FASN: variants seen among roughly 807,000 people sequenced by gnomAD.
FASN encodes fatty acid synthase.
FASN carries 50 observed loss-of-function variants against 250.0 expected under a neutral mutation model. That is an observed-to-expected ratio of 0.20 (90% CI 0.16 to 0.25). FASN has a LOEUF of 0.25. Ranked by LOEUF, FASN falls within the 10% of genes least tolerant of loss-of-function variation. FASN has a pLI of 1.00. For synonymous variants in FASN, 1,909 were observed against 1,584.0 expected (o/e 1.21, Z -4.87); for missense variants, 3,031 against 3,498.5 (o/e 0.87, Z 3.37).
At position 82,095,488 on chromosome 17, in the gene FASN, G is replaced by A. The variant is rs1170546495; in HGVS notation, c.128-16C>T. On this transcript the variant is annotated splice_polypyrimidine_tract_variant and intron_variant, in intron 2 of 42. Transcript: ENST00000306749. ...CCGTAGAGCCCTGTGGGACAGGCGG[G>A]TGTTTAAATCTCTGACGGAAGCTGC... 1 of 1,610,982 alleles carries A rather than the reference G, an allele frequency of 6.2e-7. No homozygotes were observed. Among genetic ancestry groups the A allele is most frequent in the Non-Finnish European group, 8.5e-7 (1 of 1,179,918 alleles).
chr17:82,080,166 G>C lies in FASN; in HGVS notation c.7120C>G (p.Gln2374Glu). The C allele has an allele frequency of 6.2e-7, 1 of 1,613,254 alleles. No homozygotes were observed. Residue 2374 changes from glutamine (Q) to glutamate (E), a missense_variant, in exon 41 of 43, where the codon CAG becomes GAG. Coordinates refer to ENST00000306749, the MANE Select transcript of FASN (RefSeq NM_004104.5). ...ETEAICFFVQ[Q>E]FTDMEHNRVL... ...CTGTTGTGCTCCATGTCCGTGAACT[G>C]CTGCACGAAGAAGCATATGGCCTCC...
intron 15 of FASN, 51 bp from the exon 16 acceptor site, chr17:82,088,613 C>T: frequency 1.9e-6 from 3 of 1,581,762 alleles, no homozygotes; most frequent in Non-Finnish European, 2.6e-6. Flanking sequence ...GGTCCAGGGG[C>T]TCTGGGTTCA....
rs2034230398 is a variant in FASN at position 82,092,602 on chromosome 17, T to C, written c.895-13A>G. ...GGGGGTCGCCCACCTGTGGGAAACA[T>C]GGGGGGTGAGGGGCTCTGGCCAGGT... On this transcript the variant is annotated splice_polypyrimidine_tract_variant and intron_variant, in intron 7 of 42. Coordinates refer to ENST00000306749, the MANE Select transcript of FASN (RefSeq NM_004104.5). 1 of 1,479,298 alleles carries C rather than the reference T, an allele frequency of 6.8e-7. No individual in the cohort carries two copies. Among genetic ancestry groups the C allele is most frequent in the Non-Finnish European group, 9.0e-7 (1 of 1,106,416 alleles). 91.6% of individuals were successfully genotyped at this position (1,479,298 alleles called of 1,614,324 possible).
At chr17:82,097,805 CGCGGGGAGGCCGAGCCGGGG>C (rs1318702497) in intron 1 of FASN, among the ~76,000 whole-genome samples, 1 of 152,066 alleles carries the variant, frequency 6.6e-6, no homozygotes, top group East Asian at 1.9e-4. Context: ...CCTTTGTGGG[CGCGGGGAGGCCGAGCCGGGG>C]GCTCCTCCAG....
intron 41 of FASN, 148 bp downstream of exon 41, chr17:82,079,992 G>A (rs1055648216): frequency 4.5e-6 from 4 of 897,716 alleles, no homozygotes; most frequent in Non-Finnish European, 7.0e-6. Flanking sequence ...ACAGGCATGA[G>A]CAACCGCATC....
chr17:82,079,759 C>T (rs1296371862), intron 41 of FASN, 151 bp from the exon 42 acceptor site: 1 of 1,086,132 alleles, frequency 9.2e-7, no homozygotes, highest in Non-Finnish European at 1.3e-6. Flanking sequence ...TCACCGCAAC[C>T]TCCACCTACC....
chr17:82,089,757 G>A (rs373897750), intron 11 of FASN, 31 bp from the exon 12 acceptor site: 172 of 1,550,746 alleles, frequency 1.1e-4, no homozygotes, highest in Non-Finnish European at 1.4e-4. Flanking sequence ...GAGGCTTAGC[G>A]TGGACACCGA....
At chr17:82,082,736 G>A (rs532166042) in intron 33 of FASN, 58 bp from the exon 34 acceptor site, 477 of 1,589,722 alleles carry the variant, frequency 3.0e-4, no homozygotes, top group Non-Finnish European at 3.6e-4. Context: ...TTCCCTACAC[G>A]CCGGGCTGGG....
chr17:82,095,378 CGT>C lies in FASN; in HGVS notation c.220_221del (p.Thr74AspfsTer14). On this transcript the variant is annotated frameshift_variant, in exon 3 of 43. Coordinates refer to ENST00000306749, the MANE Select transcript of FASN (RefSeq NM_004104.5). LOFTEE classifies it high-confidence loss of function. ...GCAGCAGCCGCAGCTGAGGGTCCAT[CGT>C]GTGTGCCTGCTTGGGGTGGACTCCG... ...FFGVHPKQAH[T>X]MDPQLRLLLE... 6.2e-7 allele frequency: 1 copy of C among 1,612,994 alleles called. No individual in the cohort carries two copies. Among genetic ancestry groups the C allele is most frequent in the Non-Finnish European group, 8.5e-7 (1 of 1,180,020 alleles).
chr17:82,089,836 T>A (rs2034172140), intron 11 of FASN, 110 bp from the exon 12 acceptor site: 1 of 951,886 alleles, frequency 1.1e-6, no homozygotes, highest in South Asian at 1.4e-5. Flanking sequence ...AGTGTGGTAA[T>A]GGCAGCCTTG....
intron 8 of FASN, among the ~76,000 whole-genome samples, 154 bp downstream of exon 8, chr17:82,092,301 G>A (rs921208925): frequency 2.0e-5 from 3 of 152,204 alleles, no homozygotes; most frequent in Non-Finnish European, 4.4e-5. Context: ...CAGTGCCTCT[G>A]CTCAGACCTG....
rs1215493332 is a variant in FASN at position 82,080,680 on chromosome 17, G to GC, written c.6826+11dup. On this transcript the variant is annotated intron_variant, in intron 39 of 42. Coordinates refer to ENST00000306749, the MANE Select transcript of FASN (RefSeq NM_004104.5). Reference sequence around the variant, plus strand: ...CACTGACCACCGCTTCCAGAGGAGGGCCCGGGAGTACCTCGGGTGCACTGC... The same window carrying GC: ...CACTGACCACCGCTTCCAGAGGAGGGCCCCGGGAGTACCTCGGGTGCACTGC... 1.3e-6 allele frequency: 2 copies of GC among 1,571,618 alleles called. No homozygotes were observed. The highest frequency in any genetic ancestry group is 1.2e-5 in the South Asian group (1 of 85,960).
chr17:82,079,472 C>T lies in FASN; in HGVS notation c.7283G>A (p.Arg2428His), dbSNP rs745397050. The change falls in exon 42 of 43, where the codon CGT becomes CAT. Residue 2428 changes from arginine (R) to histidine (H), a missense_variant. By Grantham distance (29) the Arg-to-His change is conservative (BLOSUM62 0). Coordinates refer to ENST00000306749, the MANE Select transcript of FASN (RefSeq NM_004104.5). ...FAARSFYYKLRAAEQYTPKAK... is the reference protein window; with the variant it reads ...FAARSFYYKLHAAEQYTPKAK... ...CTTGGGTGTGTACTGCTCAGCGGCA[C>T]GCAGCTTGTAGTAGAAGGACCGGGC... is the stretch of plus-strand genomic sequence containing the variant. The T allele has an allele frequency of 5.6e-6, 9 of 1,612,938 alleles. No individual in the cohort carries two copies. Among genetic ancestry groups the T allele is most frequent in the African/African-American group, 1.3e-5 (1 of 75,044 alleles).
intron 34 of FASN, 28 bp from the exon 35 acceptor site, chr17:82,082,442 G>A (rs1045323321): frequency 6.2e-7 from 1 of 1,612,230 alleles, no homozygotes; most frequent in East Asian, 2.2e-5. Flanking sequence ...AGCACTCCCT[G>A]CAGCTCCAGG....
At chr17:82,095,704 G>T (rs1270839498) in intron 2 of FASN, among the ~76,000 whole-genome samples, 1 of 151,484 alleles carries the variant, frequency 6.6e-6, no homozygotes, top group Non-Finnish European at 1.5e-5. Context: ...CCCCAATCCT[G>T]AGATGGGCCG....
chr17:82,086,239 C>G lies in FASN; in HGVS notation c.3732+15G>C, dbSNP rs2144791805. On this transcript the variant is annotated intron_variant, in intron 22 of 42. Coordinates refer to ENST00000306749, the MANE Select transcript of FASN (RefSeq NM_004104.5). ...ATGTCCGGGGCAGAGGCCTGGCTGCCCAGGAGGCACCCACCTCCACCACCT... is the reference window on the plus strand; with the variant it reads ...ATGTCCGGGGCAGAGGCCTGGCTGCGCAGGAGGCACCCACCTCCACCACCT... 2 of 1,549,080 alleles carry G rather than the reference C, an allele frequency of 1.3e-6. No homozygotes were observed. The highest frequency in any genetic ancestry group is 4.7e-5 in the East Asian group (2 of 42,404).
chr17:82,091,790 G>A (rs2034214841), intron 8 of FASN, 106 bp from the exon 9 acceptor site: 1 of 1,059,364 alleles, frequency 9.4e-7, no homozygotes, highest in East Asian at 2.6e-5. Context: ...AGGGTTCCAG[G>A]GCCCTCTCCG....
Position 82,086,430 on chromosome 17 carries a change from A to G in FASN, c.3556T>C (p.Cys1186Arg), listed in dbSNP as rs776866192. The G allele has an allele frequency of 5.6e-6, 9 of 1,611,860 alleles. No individual in the cohort carries two copies. The highest frequency in any genetic ancestry group is 1.3e-5 in the African/African-American group (1 of 75,066). ...AGGTTCCCGTTGAGCTGAAGCCTGC[A>G]GGCAGCCGACAACAGCCGGGGCAGT... ...QELPRLLSAA[C>R]RLQLNGNLQL... Residue 1186 changes from cysteine (C) to arginine (R), a missense_variant, in exon 22 of 43, where the codon TGC (cysteine) becomes CGC (arginine). Cys to Arg is a radical substitution (Grantham distance 180). Coordinates refer to ENST00000306749, the MANE Select transcript of FASN (RefSeq NM_004104.5).
intron 8 of FASN, 52 bp downstream of exon 8, chr17:82,092,403 C>G: frequency 6.5e-7 from 1 of 1,540,060 alleles, no homozygotes; most frequent in Non-Finnish European, 8.7e-7. Context: ...ATGGCGCAAC[C>G]CAGTCCCAGG....
Sources: allele counts gnomAD v4.1 joint callset (sites outside exome capture counted in the v4.1 genomes callset), GRCh38; gene constraint gnomAD v4.1.1; transcripts MANE v1.5; gene names NCBI Gene and HGNC (gene_info 2026-07-23, HGNC 2026-07-21).